MUC12: variants seen among roughly 807,000 people sequenced by gnomAD.
MUC12 encodes mucin 12, cell surface associated, also known as mucin-12.
In MUC12, 172 loss-of-function variants were observed where a neutral mutation model predicts 230.8. The observed-to-expected ratio is 0.75, with a 90% CI of 0.66 to 0.85. The LOEUF is 0.85. Ranked by LOEUF, MUC12 falls within the 40% of genes least tolerant of loss-of-function variation. MUC12 has a pLI of 0.00. For missense variants in MUC12, 3,506 were observed against 5,920.6 expected, an observed-to-expected ratio of 0.59 and a Z score of 13.38; for synonymous variants, 1,259 against 2,401.9, an observed-to-expected ratio of 0.52 and a Z score of 13.91.
Position 101,017,319 on chromosome 7 carries a change from C to T in MUC12, c.15878-256C>T. Reference sequence around the variant, plus strand: ...GGGCTGAACGCACGCTCCTCCGTGGCCCCCGCTTCCACCCCGTGCATGTGG... The same window carrying T: ...GGGCTGAACGCACGCTCCTCCGTGGTCCCCGCTTCCACCCCGTGCATGTGG... On this transcript the variant is annotated intron_variant, in intron 10 of 11. Coordinates refer to ENST00000536621, the MANE Select transcript of MUC12 (RefSeq NM_001164462.2). 4 of 452,812 alleles carry T rather than the reference C, an allele frequency of 8.8e-6. No homozygotes were observed. In the South Asian group the frequency reaches 1.3e-4, roughly 15 times the overall value. 28.0% of individuals were successfully genotyped at this position (452,812 alleles called of 1,614,324 possible). A position where few individuals can be genotyped will look rare whatever the true frequency, so the allele number is the denominator to read the frequency against.
intron 1 of MUC12, among the ~76,000 whole-genome samples, chr7:100,982,808 C>T (rs1376123542): frequency 6.6e-6 from 1 of 152,072 alleles, no homozygotes; most frequent in Non-Finnish European, 1.5e-5. Context: ...TAGCTCACTG[C>T]AGCCTTGAGC....
In MUC12 at chr7:101,013,092, G is replaced by C; in HGVS notation, c.15588G>C (p.Met5196Ile). ...NKCTKGTKSQ[M>I]NCNLGTCQLQ... ...GCACCAAAGGAACGAAGTCGCAAAT[G>C]AACTGTAACCTGGGCACATGTCAGC... Residue 5196 changes from methionine (M) to isoleucine (I), a missense_variant, in exon 8 of 12, where the codon ATG becomes ATC. Coordinates refer to ENST00000536621, the MANE Select transcript of MUC12 (RefSeq NM_001164462.2). 3.9e-6 allele frequency: 6 copies of C among 1,537,316 alleles called. No homozygotes were observed. Among genetic ancestry groups the C allele is most frequent in the Non-Finnish European group, 5.2e-6 (6 of 1,146,924 alleles).
At chr7:101,006,808 A>G (rs1584844970) in intron 3 of MUC12, among the ~76,000 whole-genome samples, 2 of 152,106 alleles carry the variant, frequency 1.3e-5, no homozygotes, top group African/African-American at 2.4e-5. Flanking sequence ...AGGGGTACAT[A>G]GTAGATGTAT....
rs1793463972 is a variant in MUC12 at position 100,995,663 on chromosome 7, T to A, written c.5100T>A (p.Pro1700=). 6.5e-7 allele frequency: 1 copy of A among 1,537,176 alleles called. No homozygotes were observed. The highest frequency in any genetic ancestry group is 1.2e-5 in the South Asian group (1 of 84,066). The part of the protein sequence containing the change: ...QSWPSSKDTM[P]APPTTTSAFV... ...GGCCAAGCTCAAAGGACACTATGCC[T>A]GCACCTCCTACTACCACATCAGCCT... The change falls in exon 2 of 12, where the codon CCT becomes CCA. Residue 1700 remains proline (P), a synonymous_variant. Transcript: ENST00000536621.
At chr7:100,987,322 C>T (rs1466992986) in intron 1 of MUC12, among the ~76,000 whole-genome samples, 2 of 152,276 alleles carry the variant, frequency 1.3e-5, no homozygotes, top group East Asian at 3.9e-4. Flanking sequence ...CTGCCTCAGC[C>T]TCCCAAAGTG....
In MUC12 at chr7:100,995,668, C is replaced by A. The variant is rs1198789789; in HGVS notation, c.5105C>A (p.Pro1702His). 47 of 1,537,102 alleles carry A rather than the reference C, an allele frequency of 3.1e-5. No individual in the cohort carries two copies. Among genetic ancestry groups the A allele is most frequent in the Non-Finnish European group, 3.9e-5 (45 of 1,147,080 alleles). Residue 1702 changes from proline to histidine, a missense_variant, in exon 2 of 12, where the codon CCT becomes CAT. By Grantham distance (77) the Pro-to-His change is moderately conservative. Transcript: ENST00000536621. ...WPSSKDTMPA[P>H]PTTTSAFVEL... ...AGCTCAAAGGACACTATGCCTGCAC[C>A]TCCTACTACCACATCAGCCTTTGTT...
intron 1 of MUC12, chr7:100,972,236 G>A (rs1792918956): frequency 2.8e-6 from 2 of 702,474 alleles, no homozygotes; most frequent in South Asian, 1.5e-5. Context: ...GAGAGGATGA[G>A]TGATTTGCCT....
rs756310088 is a variant in MUC12 at position 100,992,471 on chromosome 7, C to T, written c.1908C>T (p.Ser636=). The change falls in exon 2 of 12, where the codon AGC becomes AGT. Residue 636 remains serine, a synonymous_variant. Transcript: ENST00000536621. ...AGGGAGAATCTACCACATTCCATAG[C>T]TGGCCAAGCTCAAAGGACACTAGGC... ...TRQGESTTFH[S]WPSSKDTRPA... is the part of the protein sequence containing the mutation. 1 of 1,537,916 alleles carries T rather than the reference C, an allele frequency of 6.5e-7. No individual in the cohort carries two copies. The highest frequency in any genetic ancestry group is 8.7e-7 in the Non-Finnish European group (1 of 1,147,034).
At chr7:100,973,978 C>A (rs1792967238) in intron 1 of MUC12, among the ~76,000 whole-genome samples, 1 of 148,544 alleles carries the variant, frequency 6.7e-6, no homozygotes, top group Non-Finnish European at 1.5e-5. Context: ...CATAGGGAGA[C>A]CCCATCTCTT....
chr7:101,005,177 T>C lies in MUC12; in HGVS notation c.14614T>C (p.Ser4872Pro), dbSNP rs772977134. 1 of 1,537,260 alleles carries C rather than the reference T, an allele frequency of 6.5e-7. No homozygotes were observed. The highest frequency in any genetic ancestry group is 1.2e-5 in the South Asian group (1 of 84,008). The change falls in exon 2 of 12, where the codon TCC becomes CCC. Residue 4872 changes from serine to proline, a missense_variant. Coordinates refer to ENST00000536621, the MANE Select transcript of MUC12 (RefSeq NM_001164462.2). The stretch of plus-strand genomic sequence containing the variant: ...AGCGTTTTCTCACAGCAACACAATG[T>C]CCATTCATAGTCAACAATCTACACC... ...TTAFSHSNTM[S>P]IHSQQSTPFP...
intron 1 of MUC12, 139 bp from the exon 2 acceptor site, chr7:100,990,492 C>T: frequency 9.5e-7 from 1 of 1,049,346 alleles, no homozygotes; most frequent in Non-Finnish European, 1.4e-6. Flanking sequence ...TTCCTATGCC[C>T]CCAAAAGGGA....
intron 1 of MUC12, among the ~76,000 whole-genome samples, chr7:100,986,177 T>G (rs924087542): frequency 6.6e-6 from 1 of 151,900 alleles, no homozygotes; most frequent in Non-Finnish European, 1.5e-5. Context: ...CTGGGCAACA[T>G]AGCAAGATCC....
At chr7:100,979,865 T>G (rs1793080380) in intron 1 of MUC12, among the ~76,000 whole-genome samples, 1 of 152,068 alleles carries the variant, frequency 6.6e-6, no homozygotes, top group East Asian at 1.9e-4. Flanking sequence ...CACACATTTA[T>G]TGTGTTTTAA....
At chr7:100,986,571 G>T (rs907074982) in intron 1 of MUC12, among the ~76,000 whole-genome samples, 4 of 152,154 alleles carry the variant, frequency 2.6e-5, no homozygotes, top group African/African-American at 9.7e-5. Flanking sequence ...ATTTGATAGT[G>T]CTCTGTCTAC....
Position 101,004,723 on chromosome 7 carries a change from A to T in MUC12, c.14160A>T (p.Ser4720=), listed in dbSNP as rs1207283992. Residue 4720 remains serine, a synonymous_variant, in exon 2 of 12, where the codon TCA becomes TCT. Transcript: ENST00000536621. The part of the protein sequence containing the change: ...ESTTFYISPG[S]METTLASTAT... Reference sequence around the variant, plus strand: ...CCACCTTCTATATCTCTCCAGGCTCAATGGAAACAACATTAGCCAGCACTG... The same window carrying T: ...CCACCTTCTATATCTCTCCAGGCTCTATGGAAACAACATTAGCCAGCACTG... The T allele has an allele frequency of 1.3e-6, 2 of 1,536,938 alleles. No individual in the cohort carries two copies. The highest frequency in any genetic ancestry group is 2.0e-5 in the Admixed American group (1 of 50,984).
chr7:101,003,463 TACACCCGTCC>T lies in MUC12; in HGVS notation c.12904_12913del (p.Pro4302AlafsTer199). ...CAGCCTCAGGCCTCCTTGAAGCATC[TACACCCGTCC>T]ACAGCAGCACTGGATCGCCACACAC... On this transcript the variant is annotated frameshift_variant, in exon 2 of 12. Transcript: ENST00000536621. LOFTEE classifies it high-confidence loss of function. The T allele has an allele frequency of 1.0e-6, 1 of 1,002,362 alleles. No homozygotes were observed. The highest frequency in any genetic ancestry group is 1.4e-6 in the Non-Finnish European group (1 of 696,012). 62.1% of individuals were successfully genotyped at this position (1,002,362 alleles called of 1,614,324 possible). A position where few individuals can be genotyped will look rare whatever the true frequency, so the allele number is the denominator to read the frequency against.
Position 100,993,949 on chromosome 7 carries a change from C to G in MUC12, c.3386C>G (p.Ser1129Cys), listed in dbSNP as rs1197179566. 3.6e-6 allele frequency: 5 copies of G among 1,398,894 alleles called. 1 individual carries two copies. Among genetic ancestry groups the G allele is most frequent in the Non-Finnish European group, 4.7e-6 (5 of 1,063,814 alleles). 86.7% of individuals were successfully genotyped at this position (1,398,894 alleles called of 1,614,324 possible). A position where few individuals can be genotyped will look rare whatever the true frequency, so the allele number is the denominator to read the frequency against. ...ACAAGCCTGGGCGTCGGTGAAGAAT[C>G]CACCACCTCCCGTAGCCAACCAGGT... The part of the protein sequence containing the change: ...SMTSLGVGEE[S>C]TTSRSQPGST... Residue 1129 changes from serine to cysteine, a missense_variant, in exon 2 of 12, where the codon TCC (serine) becomes TGC (cysteine). Ser to Cys is a moderately radical substitution (Grantham distance 112). Transcript: ENST00000536621.
chr7:101,017,465 C>G (rs1281885896), intron 10 of MUC12, 110 bp from the exon 11 acceptor site: 2 of 702,730 alleles, frequency 2.8e-6, no homozygotes, highest in Non-Finnish European at 4.8e-6. Context: ...TGGGAAAGGG[C>G]GTAGGGCAGA....
rs764783208 is a variant in MUC12, at chr7:101,004,843, C to T, written c.14280C>T (p.Ser4760=). 3.1e-5 allele frequency: 48 copies of T among 1,536,970 alleles called. No individual in the cohort carries two copies. The highest frequency in any genetic ancestry group is 3.9e-5 in the Non-Finnish European group (45 of 1,146,506). Residue 4760 remains serine, a synonymous_variant, in exon 2 of 12, where the codon TCC becomes TCT. Coordinates refer to ENST00000536621, the MANE Select transcript of MUC12 (RefSeq NM_001164462.2). The stretch of plus-strand genomic sequence containing the variant: ...TCTCACCTGCCAGCATGACAAGCTC[C>T]AGCATCAGTGGAGAACCCACCAGCT... ...QTLSPASMTS[S]SISGEPTSLY...
Sources: gnomAD v4.1 joint callset for allele counts (sites outside exome capture counted in the v4.1 genomes callset) on GRCh38, gnomAD v4.1.1 for gene constraint, MANE v1.5 for transcripts, NCBI Gene and HGNC (gene_info 2026-07-23, HGNC 2026-07-21) for gene names.